LRP6: variants seen among roughly 807,000 people sequenced by gnomAD.
LRP6 encodes low-density lipoprotein receptor-related protein 6.
Under a neutral mutation model 184.1 loss-of-function variants are expected in LRP6, and 43 were observed. The ratio of observed to expected loss-of-function variants is 0.23; its 90% CI spans 0.18 to 0.30. The LOEUF (loss-of-function observed/expected upper bound fraction) is 0.30, where lower values mean the gene tolerates loss of function less well. LRP6 is among the 10% of genes least tolerant of loss of function. LRP6 has a pLI of 1.00. For missense variants in LRP6, 1,571 were observed against 2,005.3 expected (o/e 0.78, Z 4.14); for synonymous variants, 719 against 684.9 (o/e 1.05, Z -0.78).
chr12:12,128,912 C>G (rs1949710095), intron 19 of LRP6, among the ~76,000 whole-genome samples: 1 of 152,130 alleles, frequency 6.6e-6, no homozygotes, highest in Admixed American at 6.5e-5. Context: ...CTGTTCTCTC[C>G]CTGCCACCCC....
At chr12:12,195,769 C>A (rs1401462165) in intron 3 of LRP6, among the ~76,000 whole-genome samples, 1 of 152,088 alleles carries the variant, frequency 6.6e-6, no homozygotes, top group Admixed American at 6.6e-5. Context: ...TTTCCCAGAC[C>A]AATGTCCTGA....
intron 1 of LRP6, among the ~76,000 whole-genome samples, chr12:12,252,099 G>A (rs1865337598): frequency 6.6e-6 from 1 of 152,154 alleles, no homozygotes. Flanking sequence ...TGCCCAGGCT[G>A]GTCTCAAACT....
At chr12:12,212,040 C>T (rs185081882) in intron 2 of LRP6, among the ~76,000 whole-genome samples, 162 of 152,268 alleles carry the variant, frequency 1.1e-3, no homozygotes, top group Middle Eastern at 6.8e-3. Context: ...TGCTCCTGCA[C>T]GTTATTCTGA....
intron 12 of LRP6, among the ~76,000 whole-genome samples, chr12:12,155,971 T>A (rs547008617): frequency 2.0e-5 from 3 of 152,230 alleles, no homozygotes; most frequent in African/African-American, 7.2e-5. Flanking sequence ...GCACATAAGA[T>A]ATGTCAATGA....
intron 2 of LRP6, among the ~76,000 whole-genome samples, chr12:12,222,262 T>G (rs1485328172): frequency 6.6e-6 from 1 of 152,090 alleles, no homozygotes; most frequent in Non-Finnish European, 1.5e-5. Flanking sequence ...GCGATAATCC[T>G]CTATATATAA....
At chr12:12,240,963 C>T (rs1865050124) in intron 2 of LRP6, among the ~76,000 whole-genome samples, 1 of 152,076 alleles carries the variant, frequency 6.6e-6, no homozygotes, top group East Asian at 1.9e-4. Context: ...GAACTGTATA[C>T]TGCTAGTCAT....
rs557407496 is a variant in LRP6 at position 12,121,299 on chromosome 12, T to A, written c.4669A>T (p.Thr1557Ser). The A allele has an allele frequency of 1.6e-5, 26 of 1,614,174 alleles. No individual in the cohort carries two copies. The African/African-American group carries it at 3.3e-4, about 21-fold the overall frequency. ...MTSVATAKGY[T>S]SDLNYDSEPV... ...TCTGAATCATAGTTCAAGTCACTGG[T>A]ATAGCCCTTGGCTGTTGCCACTGAG... Residue 1557 changes from threonine (T) to serine (S), a missense_variant, in exon 23 of 23, where the codon ACC becomes TCC. Transcript: ENST00000261349.
At chr12:12,184,559 G>A (rs539029343) in intron 4 of LRP6, among the ~76,000 whole-genome samples, 28 of 152,282 alleles carry the variant, frequency 1.8e-4, no homozygotes, top group African/African-American at 6.7e-4. Context: ...GGATAGATAA[G>A]AGGACATTTC....
In LRP6 at chr12:12,131,921, C is replaced by T; in HGVS notation, c.3870G>A (p.Glu1290=). 6.2e-7 allele frequency: 1 copy of T among 1,614,198 alleles called. No homozygotes were observed. Among genetic ancestry groups the T allele is most frequent in the Non-Finnish European group, 8.5e-7 (1 of 1,180,042 alleles). ...GCCCACTGGCACACTGGAACTGGGACTCTGAGCATACAGGACAATTGAGTT... is the reference window on the plus strand; with the variant it reads ...GCCCACTGGCACACTGGAACTGGGATTCTGAGCATACAGGACAATTGAGTT... ...SDELNCPVCS[E]SQFQCASGQC... Residue 1290 remains glutamate (E), a synonymous_variant, in exon 18 of 23, where the codon GAG becomes GAA. Transcript: ENST00000261349.
At chr12:12,260,239 C>G (rs565903211) in intron 1 of LRP6, among the ~76,000 whole-genome samples, 1 of 151,862 alleles carries the variant, frequency 6.6e-6, no homozygotes, top group African/African-American at 2.4e-5. Context: ...ATTAGCCGGG[C>G]GTGTTGGCGG....
chr12:12,236,369 A>G (rs1299244173), intron 2 of LRP6, among the ~76,000 whole-genome samples: 5 of 152,262 alleles, frequency 3.3e-5, no homozygotes, highest in Admixed American at 2.0e-4. Context: ...TACAACCTAC[A>G]GGATAAAATA....
In LRP6 at chr12:12,124,549, G is replaced by A; in HGVS notation, c.4547+16C>T. ...AATAAATACTGCACCTTATTTTAGA[G>A]AAGGATGTGTATTACCTGTATGACC... On this transcript the variant is annotated intron_variant, in intron 22 of 22. Coordinates refer to ENST00000261349, the MANE Select transcript of LRP6 (RefSeq NM_002336.3). 6.5e-7 allele frequency: 1 copy of A among 1,542,024 alleles called. No individual in the cohort carries two copies. The highest frequency in any genetic ancestry group is 2.2e-5 in the East Asian group (1 of 44,524).
chr12:12,257,590 A>G (rs1256249030), intron 1 of LRP6, among the ~76,000 whole-genome samples: 8 of 149,894 alleles, frequency 5.3e-5, no homozygotes, highest in African/African-American at 2.0e-4. Context: ...CAAGGAAAAA[A>G]AAAAAAAAAA....
intron 2 of LRP6, among the ~76,000 whole-genome samples, chr12:12,212,891 T>G (rs1864247747): frequency 6.6e-6 from 1 of 152,230 alleles, no homozygotes; most frequent in Non-Finnish European, 1.5e-5. Context: ...GAATTAGAAC[T>G]TATCCAGCTC....
intron 2 of LRP6, among the ~76,000 whole-genome samples, chr12:12,219,567 A>C (rs1864434532): frequency 6.6e-6 from 1 of 152,208 alleles, no homozygotes; most frequent in Non-Finnish European, 1.5e-5. Flanking sequence ...GAAAGGGGGA[A>C]AAAATACAAA....
chr12:12,192,013 TAA>T lies in LRP6; in HGVS notation c.648-4896_648-4895del, dbSNP rs1192750222. Among the ~76,000 whole-genome samples, 9 of 152,156 alleles carry T rather than the reference TAA, an allele frequency of 5.9e-5. No homozygotes were observed. In the South Asian group the frequency reaches 1.9e-3, roughly 32 times the overall value. On this transcript the variant is annotated intron_variant, in intron 3 of 22. Transcript: ENST00000261349. ...CAGAAATAGTAAATATGCAGGTTAATAAAAAAGACTCTATAAATAATGTTTTC... is the reference window on the plus strand; with the variant it reads ...CAGAAATAGTAAATATGCAGGTTAATAAAAGACTCTATAAATAATGTTTTC...
At chr12:12,149,430 G>C (rs1190431743) in intron 13 of LRP6, among the ~76,000 whole-genome samples, 1 of 152,186 alleles carries the variant, frequency 6.6e-6, no homozygotes, top group Non-Finnish European at 1.5e-5. Flanking sequence ...AGAGATGGGA[G>C]TGAGAAGGTG....
At position 12,263,008 on chromosome 12, in the gene LRP6, C is replaced by T. The variant is rs183558017; in HGVS notation, c.55+3673G>A. Among the ~76,000 whole-genome samples the T allele has an allele frequency of 8.4e-4, 127 of 151,282 alleles. No individual in the cohort carries two copies. In the East Asian group the frequency reaches 0.016, roughly 19 times the overall value. ...GTGGCTCACACCTGTAATCCCAGCA[C>T]TTTGGGAGGCCGAGATGGGCAGATC... On this transcript the variant is annotated intron_variant, in intron 1 of 22. Transcript: ENST00000261349.
At chr12:12,145,782 C>A (rs1949999147) in intron 15 of LRP6, among the ~76,000 whole-genome samples, 1 of 151,836 alleles carries the variant, frequency 6.6e-6, no homozygotes, top group African/African-American at 2.4e-5. Context: ...CAGGTGCCCA[C>A]CACCATGCTT....
Sources: gnomAD v4.1 joint callset for allele counts (sites outside exome capture counted in the v4.1 genomes callset) on GRCh38, gnomAD v4.1.1 for gene constraint, MANE v1.5 for transcripts, NCBI Gene and HGNC (gene_info 2026-07-23, HGNC 2026-07-21) for gene names.